The following FAF1 variants were observed in gnomAD, a reference collection of about 807,000 sequenced individuals.
FAF1 encodes the protein Fas associated factor 1.
A neutral mutation model predicts 92.5 loss-of-function variants in FAF1; 25 were observed. The observed-to-expected ratio is 0.27, with a 90% CI of 0.20 to 0.38. The LOEUF (loss-of-function observed/expected upper bound fraction) is 0.38, where lower values mean the gene tolerates loss of function less well. Among genes scored for constraint, FAF1 ranks in the 10% least tolerant of loss-of-function variants. The pLI, the probability that FAF1 is intolerant of heterozygous loss-of-function variation, is 1.00. For synonymous variants in FAF1, 234 were observed against 273.2 expected, an observed-to-expected ratio of 0.86 and a Z score of 1.42; for missense variants, 636 against 793.3, an observed-to-expected ratio of 0.80 and a Z score of 2.38.
intron 1 of FAF1, among the ~76,000 whole-genome samples, chr1:50,899,266 C>T (rs1644778434): frequency 6.6e-6 from 1 of 152,108 alleles, no homozygotes. Flanking sequence ...TTCATGCTTT[C>T]CTCTACTGTC....
intron 7 of FAF1, among the ~76,000 whole-genome samples, chr1:50,668,668 C>T (rs1323783433): frequency 6.6e-6 from 1 of 152,176 alleles, no homozygotes; most frequent in African/African-American, 2.4e-5. Flanking sequence ...ACCCTAAGGA[C>T]TGATGCTGCC....
chr1:50,780,819 G>C, intron 4 of FAF1: 1 of 410,062 alleles, frequency 2.4e-6, no homozygotes, highest in Non-Finnish European at 4.8e-6. Context: ...AGCCACCTTT[G>C]GGTTTATCCT....
At chr1:50,509,376 T>C (rs911428291) in intron 15 of FAF1, among the ~76,000 whole-genome samples, 1 of 149,874 alleles carries the variant, frequency 6.7e-6, no homozygotes, top group Non-Finnish European at 1.5e-5. Context: ...CTTTGGGAGG[T>C]TGAGGCAGGA....
intron 9 of FAF1, among the ~76,000 whole-genome samples, chr1:50,589,427 C>T (rs1294355084): frequency 1.3e-5 from 2 of 152,162 alleles, no homozygotes; most frequent in Non-Finnish European, 2.9e-5. Context: ...GTAGGTCACA[C>T]ACCCAGAGAC....
intron 8 of FAF1, among the ~76,000 whole-genome samples, chr1:50,636,826 C>T (rs1270314003): frequency 6.6e-6 from 1 of 152,070 alleles, no homozygotes; most frequent in Non-Finnish European, 1.5e-5. Flanking sequence ...ATAGTTGTAG[C>T]TTTTGCATTT....
intron 1 of FAF1, among the ~76,000 whole-genome samples, chr1:50,860,647 G>C (rs1245088355): frequency 6.6e-6 from 1 of 151,844 alleles, no homozygotes; most frequent in Non-Finnish European, 1.5e-5. Context: ...TTTATACACT[G>C]TTGGTGGAAA....
chr1:50,445,268 T>C (rs1646215557), intron 18 of FAF1, among the ~76,000 whole-genome samples: 1 of 152,148 alleles, frequency 6.6e-6, no homozygotes, highest in African/African-American at 2.4e-5. Context: ...AAGTCCATTA[T>C]ATCATTTTTA....
chr1:50,544,224 T>C (rs1163216348), intron 13 of FAF1, among the ~76,000 whole-genome samples: 1 of 152,158 alleles, frequency 6.6e-6, no homozygotes. Flanking sequence ...TCCTAAATCT[T>C]TGGTTTAAAC....
At chr1:50,575,160 G>A (rs941157655) in intron 12 of FAF1, among the ~76,000 whole-genome samples, 12 of 152,060 alleles carry the variant, frequency 7.9e-5, no homozygotes, top group East Asian at 7.7e-4. Context: ...CACCCGCCTC[G>A]GCCTCCCAAA....
At chr1:50,566,871 G>C (rs373487022) in intron 13 of FAF1, among the ~76,000 whole-genome samples, 2 of 151,984 alleles carry the variant, frequency 1.3e-5, no homozygotes, top group African/African-American at 2.4e-5. Flanking sequence ...GGTTATTCTT[G>C]AATTTAAAAA....
chr1:50,827,232 T>C (rs991783349), intron 2 of FAF1, among the ~76,000 whole-genome samples: 2 of 152,144 alleles, frequency 1.3e-5, no homozygotes, highest in African/African-American at 4.8e-5. Context: ...GATTGTTACT[T>C]TGTCTGTGTA....
At chr1:50,650,343 T>C (rs1049256436) in intron 8 of FAF1, among the ~76,000 whole-genome samples, 7 of 148,370 alleles carry the variant, frequency 4.7e-5, no homozygotes, top group African/African-American at 1.7e-4. Context: ...CACAGTGGCT[T>C]AGGCTTGTAA....
intron 6 of FAF1, among the ~76,000 whole-genome samples, chr1:50,714,269 G>A (rs1658078613): frequency 6.7e-6 from 1 of 150,322 alleles, no homozygotes; most frequent in Non-Finnish European, 1.5e-5. Context: ...TTGGGAGGCT[G>A]AGGCGGGTGG....
At position 50,656,321 on chromosome 1, in the gene FAF1, G is replaced by A. The variant is rs538033236; in HGVS notation, c.658-793C>T. 9.6e-5 allele frequency among the ~76,000 whole-genome samples: 14 copies of A among 146,286 alleles called. No individual in the cohort carries two copies. The South Asian group carries it at 1.3e-3, about 14-fold the overall frequency. On this transcript the variant is annotated intron_variant, in intron 7 of 18. Transcript: ENST00000396153. The stretch of plus-strand genomic sequence containing the variant: ...CACTCCAGCCTGGGCAACAGAGTGA[G>A]ACTCCATCTCCCTACCACCGACCAA...
intron 8 of FAF1, among the ~76,000 whole-genome samples, chr1:50,625,733 A>C (rs72900920): frequency 2.6e-3 from 389 of 152,342 alleles, no homozygotes; most frequent in African/African-American, 9.0e-3. Flanking sequence ...GAACACAGGT[A>C]GGAAGGGAGG....
chr1:50,681,248 T>C (rs191800567), intron 7 of FAF1, among the ~76,000 whole-genome samples: 15 of 152,170 alleles, frequency 9.9e-5, no homozygotes, highest in Admixed American at 2.6e-4. Context: ...GGTTTAACCA[T>C]GTTGGCCAAG....
intron 1 of FAF1, among the ~76,000 whole-genome samples, chr1:50,913,292 C>A (rs1644898888): frequency 1.3e-5 from 2 of 152,208 alleles, no homozygotes; most frequent in Admixed American, 6.5e-5. Flanking sequence ...AAATACATTT[C>A]TTTTGCACTG....
chr1:50,723,998 C>G (rs1658519379), intron 6 of FAF1, among the ~76,000 whole-genome samples: 1 of 152,058 alleles, frequency 6.6e-6, no homozygotes, highest in African/African-American at 2.4e-5. Flanking sequence ...ATCCACCTGC[C>G]TTGGCCTCCC....
chr1:50,810,700 G>A (rs1643897829), intron 2 of FAF1, among the ~76,000 whole-genome samples: 1 of 152,162 alleles, frequency 6.6e-6, no homozygotes, highest in East Asian at 1.9e-4. Flanking sequence ...CTGTCCAAAA[G>A]CTACTAACTC....
Sources: allele counts gnomAD v4.1 joint callset (sites outside exome capture counted in the v4.1 genomes callset), GRCh38; gene constraint gnomAD v4.1.1; transcripts MANE v1.5; gene names NCBI Gene and HGNC (gene_info 2026-07-23, HGNC 2026-07-21).